Variants in SNTG2 observed in about 807,000 individuals in gnomAD.
SNTG2 encodes the protein gamma-2-syntrophin.
In SNTG2, 74 loss-of-function variants were observed where a neutral mutation model predicts 70.9. The observed-to-expected ratio is 1.04, with a 90% CI of 0.86 to 1.27. The LOEUF (loss-of-function observed/expected upper bound fraction) is 1.27. Ranked by LOEUF, SNTG2 falls within the 50% of genes most tolerant of loss-of-function variation. The pLI is 0.00. For synonymous variants in SNTG2, 278 were observed against 273.8 expected, an observed-to-expected ratio of 1.02 and a Z score of -0.15; for missense variants, 717 against 690.7, an observed-to-expected ratio of 1.04 and a Z score of -0.43.
At position 1,162,555 on chromosome 2, in the gene SNTG2, T is replaced by TGGACAGC. The variant is rs376594001; in HGVS notation, c.412-2989_412-2983dup. ...CACTTGCTGGGAGGTGGCTGGACAG[T>TGGACAGC]GGACAGCGGAGGTCTGTGTGATCTC... On this transcript the variant is annotated intron_variant, in intron 6 of 16. Coordinates refer to ENST00000308624, the MANE Select transcript of SNTG2 (RefSeq NM_018968.4). Among the ~76,000 whole-genome samples the TGGACAGC allele has an allele frequency of 2.8e-3, 419 of 152,234 alleles. 2 individuals are homozygous for TGGACAGC. The highest frequency in any genetic ancestry group is 9.6e-3 in the African/African-American group (397 of 41,542).
chr2:1,323,781 CT>C (rs1432922685), intron 16 of SNTG2, among the ~76,000 whole-genome samples: 1 of 151,500 alleles, frequency 6.6e-6, no homozygotes, highest in African/African-American at 2.4e-5. Flanking sequence ...CTGAGACCCC[CT>C]AGTAGGCTGG....
At chr2:1,014,441 G>A (rs1438436327) in intron 1 of SNTG2, among the ~76,000 whole-genome samples, 2 of 93,874 alleles carry the variant, frequency 2.1e-5, no homozygotes, top group Admixed American at 1.1e-4. Context: ...ATTTATATGG[G>A]CAGAGAGAAG....
chr2:1,019,014 T>C (rs1660005542), intron 1 of SNTG2, among the ~76,000 whole-genome samples: 1 of 152,214 alleles, frequency 6.6e-6, no homozygotes, highest in Admixed American at 6.5e-5. Flanking sequence ...CTATCTACAG[T>C]GCTGACAGCG....
chr2:1,056,138 G>C (rs1006198430), intron 1 of SNTG2, among the ~76,000 whole-genome samples: 4 of 151,888 alleles, frequency 2.6e-5, no homozygotes, highest in Non-Finnish European at 5.9e-5. Flanking sequence ...CCAAGAGCAC[G>C]GGGAGGACTC....
intron 6 of SNTG2, among the ~76,000 whole-genome samples, chr2:1,144,641 A>T (rs1668981903): frequency 6.6e-6 from 1 of 152,226 alleles, no homozygotes; most frequent in Non-Finnish European, 1.5e-5. Flanking sequence ...GGCACATCTT[A>T]CATGGTGGCA....
intron 1 of SNTG2, among the ~76,000 whole-genome samples, chr2:991,295 A>G (rs79639636): frequency 0.17 from 25,743 of 151,616 alleles, 2,599 homozygotes; most frequent in Middle Eastern, 0.23. Flanking sequence ...CAATTTCCTA[A>G]GTCTTGCCTC....
At chr2:1,167,981 G>A (rs369550570) in intron 7 of SNTG2, among the ~76,000 whole-genome samples, 833 of 97,106 alleles carry the variant, frequency 8.6e-3, no homozygotes, top group African/African-American at 0.037. Flanking sequence ...CAGAACTGAA[G>A]CCTACAGGCC....
intron 16 of SNTG2, among the ~76,000 whole-genome samples, chr2:1,350,118 C>A (rs1442309871): frequency 6.6e-6 from 1 of 152,034 alleles, no homozygotes; most frequent in Admixed American, 6.6e-5. Context: ...GCTATCACCC[C>A]CCCAGTGCCT....
chr2:1,244,552 A>T (rs574968363), intron 11 of SNTG2, among the ~76,000 whole-genome samples: 1 of 151,752 alleles, frequency 6.6e-6, no homozygotes, highest in Non-Finnish European at 1.5e-5. Context: ...AAAAATTAGC[A>T]GGGCGTGGTG....
At chr2:1,249,022 T>C (rs1299998320) in intron 12 of SNTG2, among the ~76,000 whole-genome samples, 1 of 152,202 alleles carries the variant, frequency 6.6e-6, no homozygotes, top group Non-Finnish European at 1.5e-5. Context: ...ATCCAACTCA[T>C]CTCAGCAAGG....
intron 16 of SNTG2, among the ~76,000 whole-genome samples, chr2:1,356,625 T>A: frequency 6.6e-6 from 1 of 152,240 alleles, no homozygotes; most frequent in East Asian, 1.9e-4. Context: ...TCCAACTTTG[T>A]TCTTTCTCAA....
At chr2:1,303,785 A>C (rs1205403576) in intron 14 of SNTG2, among the ~76,000 whole-genome samples, 1 of 152,242 alleles carries the variant, frequency 6.6e-6, no homozygotes, top group Non-Finnish European at 1.5e-5. Context: ...ATGGGATATC[A>C]CTACAGACTG....
intron 1 of SNTG2, among the ~76,000 whole-genome samples, chr2:990,092 C>A (rs1661441333): frequency 6.6e-6 from 1 of 152,222 alleles, no homozygotes; most frequent in Non-Finnish European, 1.5e-5. Flanking sequence ...AACCTTTGAC[C>A]TTTCTTTTAA....
intron 4 of SNTG2, among the ~76,000 whole-genome samples, chr2:1,106,700 G>A (rs202034991): frequency 0.16 from 11,346 of 71,756 alleles, 3 homozygotes; most frequent in East Asian, 0.27. Context: ...TAGTGGATGC[G>A]TGCTGTCACT....
intron 4 of SNTG2, among the ~76,000 whole-genome samples, chr2:1,117,988 C>T (rs937414917): frequency 6.6e-6 from 1 of 152,114 alleles, no homozygotes; most frequent in African/African-American, 2.4e-5. Flanking sequence ...AGGGCCATGA[C>T]AGTGCTATGT....
intron 14 of SNTG2, among the ~76,000 whole-genome samples, chr2:1,302,561 T>G (rs1362055859): frequency 6.8e-6 from 1 of 146,056 alleles, no homozygotes; most frequent in South Asian, 2.1e-4. Flanking sequence ...AAAAAAAAGT[T>G]TAAGTAACTT....
At chr2:980,929 C>T (rs1182449600) in intron 1 of SNTG2, among the ~76,000 whole-genome samples, 1 of 152,130 alleles carries the variant, frequency 6.6e-6, no homozygotes, top group African/African-American at 2.4e-5. Flanking sequence ...ATCATGACAG[C>T]CCAATTACCT....
Position 1,221,825 on chromosome 2 carries a change from C to A in SNTG2, c.719+12595C>A, listed in dbSNP as rs1369354276. Among the ~76,000 whole-genome samples the A allele has an allele frequency of 5.6e-4, 9 of 15,930 alleles. 2 individuals are homozygous for A. Among genetic ancestry groups the A allele is most frequent in the Admixed American group, 2.1e-3 (3 of 1,416 alleles). The allele number at this position is 15,930 out of a possible 152,430, so 10.5% of individuals were successfully genotyped here. A position where few individuals can be genotyped will look rare whatever the true frequency, so the allele number is the denominator to read the frequency against. On this transcript the variant is annotated intron_variant, in intron 9 of 16. Transcript: ENST00000308624. ...TCTGTCTCTCTCTCGGTCTCTGTCT[C>A]TCTCTGTCTCTCTCTGTCTCTGTCT...
chr2:1,331,861 C>T (rs970720424), intron 16 of SNTG2, among the ~76,000 whole-genome samples: 1 of 152,352 alleles, frequency 6.6e-6, no homozygotes, highest in East Asian at 1.9e-4. Context: ...AAAATGCACA[C>T]TCCTGGGCAG....
Sources: gnomAD v4.1 joint callset for allele counts (sites outside exome capture counted in the v4.1 genomes callset) on GRCh38, gnomAD v4.1.1 for gene constraint, MANE v1.5 for transcripts, NCBI Gene and HGNC (gene_info 2026-07-23, HGNC 2026-07-21) for gene names.